Variants in IFIT5 observed in about 807,000 individuals in gnomAD.
IFIT5 encodes the protein interferon induced protein with tetratricopeptide repeats 5.
Under a neutral mutation model 5.0 loss-of-function variants are expected in IFIT5, and 2 were observed. The ratio of observed to expected loss-of-function variants is 0.40; its 90% CI spans 0.16 to 1.26. The LOEUF (loss-of-function observed/expected upper bound fraction) is 1.26, where lower values mean the gene tolerates loss of function less well. Ranked by LOEUF, IFIT5 falls within the 50% of genes most tolerant of loss-of-function variation. The pLI is 0.33. For synonymous variants in IFIT5, 206 were observed against 204.6 expected, an observed-to-expected ratio of 1.01 and a Z score of -0.06; for missense variants, 524 against 563.2, an observed-to-expected ratio of 0.93 and a Z score of 0.70.
In IFIT5 at chr10:89,418,580, GCA is replaced by G. The variant is rs1491448283; in HGVS notation, c.1384_1385del (p.Gln462LysfsTer15). 5 of 1,614,064 alleles carry G rather than the reference GCA, an allele frequency of 3.1e-6. No individual in the cohort carries two copies. The highest frequency in any genetic ancestry group is 4.2e-6 in the Non-Finnish European group (5 of 1,179,986). On this transcript the variant is annotated frameshift_variant, in exon 2 of 2. Coordinates refer to ENST00000371795, the MANE Select transcript of IFIT5 (RefSeq NM_012420.3). LOFTEE classifies it high-confidence loss of function. ...GCAAGCTGCTGAGTACTATGAGAAG[GCA>G]CAAAAGATAGATCCAGAAAATGCAG... is the stretch of plus-strand genomic sequence containing the variant. ...KRQAAEYYEK[A>X]QKIDPENAEF... is the part of the protein sequence containing the mutation.
Position 89,418,714 on chromosome 10 carries a change from T to C in IFIT5, c.*66T>C. ...TTTTGGGTTCTCCTGTTTGTTTTTT[T>C]TTTATTATTTTAATCCCTTGTTTAT... On this transcript the variant is annotated 3_prime_UTR_variant, in exon 2 of 2. Transcript: ENST00000371795. 1.4e-6 allele frequency: 2 copies of C among 1,448,892 alleles called. No homozygotes were observed. Among genetic ancestry groups the C allele is most frequent in the Non-Finnish European group, 1.9e-6 (2 of 1,074,404 alleles). The allele number at this position is 1,448,892 out of a possible 1,614,324, so 89.8% of individuals were successfully genotyped here.
In IFIT5 at chr10:89,417,447, A is replaced by G. The variant is rs923944217; in HGVS notation, c.248A>G (p.Gln83Arg). The G allele has an allele frequency of 5.6e-6, 9 of 1,614,084 alleles. No homozygotes were observed. The African/African-American group carries it at 9.3e-5, about 17-fold the overall frequency. Residue 83 changes from glutamine to arginine, a missense_variant, in exon 2 of 2, where the codon CAA (glutamine) becomes CGA (arginine). By Grantham distance (43) the Gln-to-Arg change is conservative. Coordinates refer to ENST00000371795, the MANE Select transcript of IFIT5 (RefSeq NM_012420.3). Reference protein sequence around the residue: ...CLEQAEEIIQQEHSDKEEVRS... With the variant: ...CLEQAEEIIQREHSDKEEVRS... ...GAACAAGCAGAAGAAATAATCCAGC[A>G]AGAACACTCAGACAAAGAAGAAGTA...
In IFIT5 at chr10:89,418,437, G is replaced by A. The variant is rs768309102; in HGVS notation, c.1238G>A (p.Arg413His). The change falls in exon 2 of 2, where the codon CGC becomes CAC. Residue 413 changes from arginine (R) to histidine (H), a missense_variant. Transcript: ENST00000371795. ...AAGGTCAAAGACAGATCACCCCTTC[G>A]CACCAAACTGACAAGTGCTCTGAAG... ...ALKVKDRSPLRTKLTSALKKL... is the reference protein window; with the variant it reads ...ALKVKDRSPLHTKLTSALKKL... 72 of 1,614,002 alleles carry A rather than the reference G, an allele frequency of 4.5e-5. No homozygotes were observed. Among genetic ancestry groups the A allele is most frequent in the Admixed American group, 6.7e-5 (4 of 60,004 alleles).
chr10:89,416,891 T>G lies in IFIT5; in HGVS notation c.6-314T>G, dbSNP rs74605649. ...AAAATGGAATTTTCATATTAATTATTGAATATGTATATATTCATTCCTAAT... is the reference window on the plus strand; with the variant it reads ...AAAATGGAATTTTCATATTAATTATGGAATATGTATATATTCATTCCTAAT... On this transcript the variant is annotated intron_variant, in intron 1 of 1. Transcript: ENST00000371795. Among the ~76,000 whole-genome samples the G allele has an allele frequency of 9.9e-3, 1,503 of 152,364 alleles. 24 individuals are homozygous for G. Among genetic ancestry groups the G allele is most frequent in the African/African-American group, 0.034 (1,433 of 41,584 alleles).
chr10:89,418,949 G>T lies in IFIT5; in HGVS notation c.*301G>T, dbSNP rs1334215992. 3 of 211,164 alleles carry T rather than the reference G, an allele frequency of 1.4e-5. No individual in the cohort carries two copies. Among genetic ancestry groups the T allele is most frequent in the Non-Finnish European group, 2.8e-5 (3 of 106,370 alleles). The allele number at this position is 211,164 out of a possible 1,614,324, so 13.1% of individuals were successfully genotyped here. A position where few individuals can be genotyped will look rare whatever the true frequency, so the allele number is the denominator to read the frequency against. ...TCTGTGCTTTTTATCTCTGCTCTTT[G>T]AATTTCTCATATTATATAGTAAATA... is the stretch of plus-strand genomic sequence containing the variant. On this transcript the variant is annotated 3_prime_UTR_variant, in exon 2 of 2. Coordinates refer to ENST00000371795, the MANE Select transcript of IFIT5 (RefSeq NM_012420.3).
chr10:89,418,656 C>G lies in IFIT5; in HGVS notation c.*8C>G. On this transcript the variant is annotated 3_prime_UTR_variant, in exon 2 of 2. Coordinates refer to ENST00000371795, the MANE Select transcript of IFIT5 (RefSeq NM_012420.3). ...CTCCGACTTTCCATTTAAATACATA[C>G]TCTAGGAAATTAGCTCTAAGTTTTT... The G allele has an allele frequency of 6.3e-7, 1 of 1,584,866 alleles. No homozygotes were observed. Among genetic ancestry groups the G allele is most frequent in the Non-Finnish European group, 8.6e-7 (1 of 1,167,094 alleles).
chr10:89,416,644 C>A (rs1012475434), intron 1 of IFIT5, among the ~76,000 whole-genome samples: 2 of 152,242 alleles, frequency 1.3e-5, no homozygotes, highest in South Asian at 2.1e-4. Flanking sequence ...AATACCTGAG[C>A]AGCCCTCCTC....
At chr10:89,414,855 C>G in intron 1 of IFIT5, 52 bp downstream of exon 1, 1 of 1,597,626 alleles carries the variant, frequency 6.3e-7, no homozygotes. Context: ...GCCTTGGTTT[C>G]AAACCGGGCT....
At position 89,418,652 on chromosome 10, in the gene IFIT5, C is replaced by T. The variant is rs189548496; in HGVS notation, c.*4C>T. ...TGAGCTCCGACTTTCCATTTAAATACATACTCTAGGAAATTAGCTCTAAGT... is the reference window on the plus strand; with the variant it reads ...TGAGCTCCGACTTTCCATTTAAATATATACTCTAGGAAATTAGCTCTAAGT... On this transcript the variant is annotated 3_prime_UTR_variant, in exon 2 of 2. Coordinates refer to ENST00000371795, the MANE Select transcript of IFIT5 (RefSeq NM_012420.3). 88 of 1,599,360 alleles carry T rather than the reference C, an allele frequency of 5.5e-5. No individual in the cohort carries two copies. The African/African-American group carries it at 1.0e-3, about 19-fold the overall frequency.
rs1252895582 is a variant in IFIT5, at chr10:89,417,396, A to G, written c.197A>G (p.Gln66Arg). ...GCCTATGTGAAACACCTAAAAGGCC[A>G]AAATAAAGACGCCCTTGAGTGCTTG... ...LLAYVKHLKG[Q>R]NKDALECLEQ... is the part of the protein sequence containing the mutation. Residue 66 changes from glutamine (Q) to arginine (R), a missense_variant, in exon 2 of 2, where the codon CAA becomes CGA. Transcript: ENST00000371795. 1 of 1,614,212 alleles carries G rather than the reference A, an allele frequency of 6.2e-7. No homozygotes were observed. Among genetic ancestry groups the G allele is most frequent in the Non-Finnish European group, 8.5e-7 (1 of 1,180,040 alleles).
chr10:89,416,159 G>C (rs945577646), intron 1 of IFIT5, among the ~76,000 whole-genome samples: 2 of 151,074 alleles, frequency 1.3e-5, no homozygotes, highest in African/African-American at 4.9e-5. Context: ...TCCTGACCTC[G>C]TGGTCCACCC....
In IFIT5 at chr10:89,414,699, A is replaced by G; in HGVS notation, c.-100A>G. On this transcript the variant is annotated 5_prime_UTR_variant, in exon 1 of 2. Transcript: ENST00000371795. ...GCAGAGGCCTGGCGCGCGCACGCGCACGCGCACGCCCACCGCGCGGCTTCC... is the reference window on the plus strand; with the variant it reads ...GCAGAGGCCTGGCGCGCGCACGCGCGCGCGCACGCCCACCGCGCGGCTTCC... The G allele has an allele frequency of 2.8e-6, 4 of 1,435,318 alleles. No individual in the cohort carries two copies. Among genetic ancestry groups the G allele is most frequent in the Non-Finnish European group, 3.7e-6 (4 of 1,081,964 alleles). 88.9% of individuals were successfully genotyped at this position (1,435,318 alleles called of 1,614,324 possible).
At position 89,420,231 on chromosome 10, in the gene IFIT5, T is replaced by C. The variant is rs1273119237; in HGVS notation, c.*1583T>C. On this transcript the variant is annotated 3_prime_UTR_variant, in exon 2 of 2. Coordinates refer to ENST00000371795, the MANE Select transcript of IFIT5 (RefSeq NM_012420.3). ...AAAAATCTTTTGTTTTACTTAATTC[T>C]GTTTTTATTATTATTATTATTTTGT... 6.6e-6 allele frequency: 1 copy of C among 152,166 alleles called. No homozygotes were observed. Among genetic ancestry groups the C allele is most frequent in the Non-Finnish European group, 1.5e-5 (1 of 68,038 alleles). 9.4% of individuals were successfully genotyped at this position (152,166 alleles called of 1,614,324 possible).
intron 1 of IFIT5, 68 bp from the exon 2 acceptor site, chr10:89,417,137 A>G (rs1841545607): frequency 7.6e-7 from 1 of 1,315,092 alleles, no homozygotes; most frequent in Non-Finnish European, 1.0e-6. Context: ...GCAAAGAACA[A>G]TATTTAAGGT....
intron 1 of IFIT5, among the ~76,000 whole-genome samples, chr10:89,415,499 G>A (rs1259990899): frequency 6.6e-6 from 1 of 152,172 alleles, no homozygotes; most frequent in African/African-American, 2.4e-5. Flanking sequence ...GATTGTTATC[G>A]TCCCACCCAA....
At chr10:89,415,693 T>C (rs929257908) in intron 1 of IFIT5, among the ~76,000 whole-genome samples, 1 of 152,160 alleles carries the variant, frequency 6.6e-6, no homozygotes, top group Non-Finnish European at 1.5e-5. Flanking sequence ...AAGCAGATAG[T>C]CCCTTGTTCT....
chr10:89,415,500 T>C (rs1183564309), intron 1 of IFIT5, among the ~76,000 whole-genome samples: 2 of 152,236 alleles, frequency 1.3e-5, no homozygotes, highest in Non-Finnish European at 2.9e-5. Flanking sequence ...ATTGTTATCG[T>C]CCCACCCAAT....
rs1841511705 is a variant in IFIT5, at chr10:89,414,724, C to T, written c.-75C>T. The stretch of plus-strand genomic sequence containing the variant: ...ACGCGCACGCCCACCGCGCGGCTTC[C>T]CGCGGTCCCCGGTGCTGAGGAGAGA... On this transcript the variant is annotated 5_prime_UTR_variant, in exon 1 of 2. Transcript: ENST00000371795. The T allele has an allele frequency of 1.3e-6, 2 of 1,550,446 alleles. No homozygotes were observed. Among genetic ancestry groups the T allele is most frequent in the African/African-American group, 2.9e-5 (2 of 69,950 alleles).
At chr10:89,415,370 C>A (rs1006144699) in intron 1 of IFIT5, among the ~76,000 whole-genome samples, 1 of 152,192 alleles carries the variant, frequency 6.6e-6, no homozygotes, top group African/African-American at 2.4e-5. Flanking sequence ...CTCGGTGTGG[C>A]ATACGCGGTT....
Sources: allele counts gnomAD v4.1 joint callset (sites outside exome capture counted in the v4.1 genomes callset), GRCh38; gene constraint gnomAD v4.1.1; transcripts MANE v1.5; gene names NCBI Gene and HGNC (gene_info 2026-07-23, HGNC 2026-07-21).